Variants in RGS7BP observed in about 807,000 individuals in gnomAD.
The protein encoded by RGS7BP is regulator of G protein signaling 7-binding protein.
RGS7BP carries 9 observed loss-of-function variants against 31.3 expected under a neutral mutation model. The ratio of observed to expected loss-of-function variants is 0.29; its 90% CI spans 0.17 to 0.50. The LOEUF is 0.50. RGS7BP is among the 20% of genes least tolerant of loss of function. RGS7BP has a pLI of 0.98. For missense variants in RGS7BP, 274 were observed against 322.0 expected (o/e 0.85, Z 1.14); for synonymous variants, 115 against 120.1 (o/e 0.96, Z 0.28).
intron 2 of RGS7BP, among the ~76,000 whole-genome samples, chr5:64,556,600 T>C (rs1196729301): frequency 1.3e-5 from 2 of 152,120 alleles, no homozygotes; most frequent in East Asian, 3.9e-4. Flanking sequence ...AAAATGACTT[T>C]AATGTCGCCA....
At chr5:64,544,146 T>C (rs892395917) in intron 2 of RGS7BP, among the ~76,000 whole-genome samples, 3 of 152,212 alleles carry the variant, frequency 2.0e-5, no homozygotes, top group Non-Finnish European at 2.9e-5. Flanking sequence ...AGCCAATGTG[T>C]CAGGCATTGT....
intron 2 of RGS7BP, among the ~76,000 whole-genome samples, chr5:64,526,710 T>C (rs1749239299): frequency 1.3e-5 from 2 of 152,132 alleles, no homozygotes; most frequent in African/African-American, 4.8e-5. Context: ...GAGCAACTAA[T>C]GGAACCATTT....
In RGS7BP at chr5:64,605,693, G is replaced by T. The variant is rs138711144; in HGVS notation, c.683-3468G>T. Among the ~76,000 whole-genome samples, 30 of 152,132 alleles carry T rather than the reference G, an allele frequency of 2.0e-4. No individual in the cohort carries two copies. In the East Asian group the frequency reaches 5.8e-3, roughly 29 times the overall value. On this transcript the variant is annotated intron_variant, in intron 5 of 5. Transcript: ENST00000334025. The stretch of plus-strand genomic sequence containing the variant: ...TAGGTGATAGTCAGACAAGCTCTAA[G>T]CAAGGCAAAGGTCTCACAAATGTGC...
chr5:64,545,300 C>T (rs1047391912), intron 2 of RGS7BP, among the ~76,000 whole-genome samples: 3 of 151,610 alleles, frequency 2.0e-5, no homozygotes, highest in East Asian at 3.9e-4. Flanking sequence ...CATTAGGAGA[C>T]ATACCTGATG....
chr5:64,544,092 T>C (rs1346012067), intron 2 of RGS7BP, among the ~76,000 whole-genome samples: 1 of 152,228 alleles, frequency 6.6e-6, no homozygotes, highest in Non-Finnish European at 1.5e-5. Context: ...TATATAGTAC[T>C]TTAGAAATGG....
intron 2 of RGS7BP, among the ~76,000 whole-genome samples, chr5:64,550,838 T>C (rs1741778101): frequency 1.3e-5 from 2 of 151,304 alleles, no homozygotes; most frequent in Admixed American, 1.3e-4. Context: ...GTGTTTGGTT[T>C]TTTGTCCTTG....
Position 64,539,117 on chromosome 5 carries a change from CT to C in RGS7BP, c.332+31241del, listed in dbSNP as rs577730836. 8.0e-3 allele frequency among the ~76,000 whole-genome samples: 1,212 copies of C among 152,230 alleles called. 19 individuals are homozygous for C. Among genetic ancestry groups the C allele is most frequent in the African/African-American group, 0.026 (1,095 of 41,514 alleles). On this transcript the variant is annotated intron_variant, in intron 2 of 5. Coordinates refer to ENST00000334025, the MANE Select transcript of RGS7BP (RefSeq NM_001029875.3). The stretch of plus-strand genomic sequence containing the variant: ...TCTTGTGTTTTTAATTTGCGTTCCC[CT>C]AATGACTCGAGATGTGAAGAATCTG...
chr5:64,578,235 T>TA (rs1401248591), intron 3 of RGS7BP, among the ~76,000 whole-genome samples: 7 of 152,188 alleles, frequency 4.6e-5, no homozygotes, highest in Non-Finnish European at 8.8e-5. Context: ...TGCCTATTTT[T>TA]AAAAAATAAT....
In RGS7BP at chr5:64,546,496, C is replaced by A. The variant is rs565079863; in HGVS notation, c.333-29278C>A. Among the ~76,000 whole-genome samples the A allele has an allele frequency of 2.0e-5, 3 of 152,182 alleles. 1 individual carries two copies. The East Asian group carries it at 5.8e-4, about 29-fold the overall frequency. ...TAAAATAGCCGAAAACAGTCCCTTA[C>A]ATTTAATAGCAAGGATATTAGGGAC... On this transcript the variant is annotated intron_variant, in intron 2 of 5. Coordinates refer to ENST00000334025, the MANE Select transcript of RGS7BP (RefSeq NM_001029875.3).
At chr5:64,570,755 A>G (rs1419215595) in intron 2 of RGS7BP, among the ~76,000 whole-genome samples, 2 of 152,260 alleles carry the variant, frequency 1.3e-5, no homozygotes, top group African/African-American at 2.4e-5. Context: ...CAGTCATCAA[A>G]TAAATACCCA....
chr5:64,581,905 A>G (rs2111918039), intron 3 of RGS7BP, among the ~76,000 whole-genome samples: 1 of 152,306 alleles, frequency 6.6e-6, no homozygotes, highest in East Asian at 1.9e-4. Context: ...GGCCAACAAC[A>G]TGAAAGTAAA....
intron 2 of RGS7BP, among the ~76,000 whole-genome samples, chr5:64,540,517 G>T (rs1224339514): frequency 1.3e-5 from 2 of 151,982 alleles, no homozygotes; most frequent in African/African-American, 2.4e-5. Flanking sequence ...ATAAATATGT[G>T]TCAAATAATC....
chr5:64,595,891 T>C (rs1010694612), intron 4 of RGS7BP, among the ~76,000 whole-genome samples: 2 of 152,224 alleles, frequency 1.3e-5, no homozygotes, highest in African/African-American at 2.4e-5. Context: ...TTGGAGCATG[T>C]GGTAATTATG....
At position 64,507,796 on chromosome 5, in the gene RGS7BP, T is replaced by A; in HGVS notation, c.251T>A (p.Leu84His). 1.2e-6 allele frequency: 2 copies of A among 1,613,874 alleles called. No homozygotes were observed. The highest frequency in any genetic ancestry group is 1.7e-6 in the Non-Finnish European group (2 of 1,179,940). The change falls in exon 2 of 6, where the codon CTC becomes CAC. Residue 84 changes from leucine to histidine, a missense_variant. Around this residue, in one of 3 missense-constraint regions of RGS7BP, gnomAD observed 149 missense variants for 152.6 expected, o/e 0.98. Coordinates refer to ENST00000334025, the MANE Select transcript of RGS7BP (RefSeq NM_001029875.3). ...IGDVSVSCPS[L>H]RAEMHKTRTK... ...GATGTCTCGGTCAGCTGCCCCTCAC[T>A]CCGGGCGGAAATGCACAAGACAAGA...
intron 2 of RGS7BP, among the ~76,000 whole-genome samples, chr5:64,550,261 G>C (rs966416522): frequency 6.6e-6 from 1 of 152,192 alleles, no homozygotes; most frequent in Non-Finnish European, 1.5e-5. Flanking sequence ...AGTTATGAAA[G>C]CTGAACATTC....
chr5:64,528,967 A>T (rs1291687330), intron 2 of RGS7BP, among the ~76,000 whole-genome samples: 1 of 152,186 alleles, frequency 6.6e-6, no homozygotes, highest in Non-Finnish European at 1.5e-5. Context: ...AGCTATTATT[A>T]TTATTACAAC....
At chr5:64,521,945 A>G (rs916696242) in intron 2 of RGS7BP, among the ~76,000 whole-genome samples, 4 of 152,212 alleles carry the variant, frequency 2.6e-5, no homozygotes, top group African/African-American at 9.7e-5. Flanking sequence ...TCAAAGACCA[A>G]TCACCTTCAG....
Position 64,555,269 on chromosome 5 carries a change from C to T in RGS7BP, c.333-20505C>T, listed in dbSNP as rs373816968. On this transcript the variant is annotated intron_variant, in intron 2 of 5. Transcript: ENST00000334025. ...ACAGAATAAAATGTTTAGCAGATTA[C>T]AGCCAATGAACACCTTGCCACACTT... Among the ~76,000 whole-genome samples, 7 of 152,248 alleles carry T rather than the reference C, an allele frequency of 4.6e-5. No individual in the cohort carries two copies. The East Asian group carries it at 9.7e-4, about 21-fold the overall frequency.
intron 3 of RGS7BP, among the ~76,000 whole-genome samples, chr5:64,591,988 A>G (rs1678431091): frequency 6.6e-6 from 1 of 152,158 alleles, no homozygotes; most frequent in East Asian, 1.9e-4. Flanking sequence ...AGCAAACAAT[A>G]AACTAGTAAG....
Sources: gnomAD v4.1 joint callset for allele counts (sites outside exome capture counted in the v4.1 genomes callset) on GRCh38, gnomAD v4.1.1 for gene constraint, gnomAD v4.1.1 regional missense constraint, MANE v1.5 for transcripts, NCBI Gene and HGNC (gene_info 2026-07-23, HGNC 2026-07-21) for gene names.